RAD54B: variants seen among roughly 807,000 people sequenced by gnomAD.
RAD54B encodes DNA repair and recombination protein RAD54B.
In RAD54B, 78 loss-of-function variants were observed where a neutral mutation model predicts 95.8. That is an observed-to-expected ratio of 0.81 (90% CI 0.68 to 0.98). The LOEUF is 0.98. RAD54B is among the 50% of genes least tolerant of loss of function. The pLI, the probability that RAD54B is intolerant of heterozygous loss-of-function variation, is 0.00. For synonymous variants in RAD54B, 328 were observed against 354.9 expected (o/e 0.92, Z 0.85); for missense variants, 957 against 1,056.6 (o/e 0.91, Z 1.31).
chr8:94,406,551 AT>A (rs757323204), intron 5 of RAD54B, among the ~76,000 whole-genome samples: 44 of 152,160 alleles, frequency 2.9e-4, no homozygotes, highest in Non-Finnish European at 5.6e-4. Context: ...GCCGTTGATT[AT>A]TTGTATTTAG....
At chr8:94,436,856 C>A (rs1276511452) in intron 3 of RAD54B, 8 of 1,528,344 alleles carry the variant, frequency 5.2e-6, no homozygotes, top group African/African-American at 1.4e-5. Flanking sequence ...GAAGATCTAG[C>A]CTTTCCTACC....
At chr8:94,422,108 C>A (rs1045653188) in intron 3 of RAD54B, among the ~76,000 whole-genome samples, 1 of 152,094 alleles carries the variant, frequency 6.6e-6, no homozygotes, top group Non-Finnish European at 1.5e-5. Context: ...ATTACCTCAA[C>A]ATTATCTCAA....
intron 11 of RAD54B, among the ~76,000 whole-genome samples, chr8:94,381,573 A>C (rs1053011875): frequency 6.6e-6 from 1 of 152,266 alleles, no homozygotes; most frequent in Non-Finnish European, 1.5e-5. Context: ...AGAGCTATCT[A>C]TCCTTCAATG....
intron 3 of RAD54B, among the ~76,000 whole-genome samples, chr8:94,424,640 T>G (rs927611660): frequency 2.6e-5 from 4 of 152,094 alleles, no homozygotes; most frequent in Non-Finnish European, 5.9e-5. Context: ...CCCCTAACAA[T>G]CCCAGTCTAT....
Position 94,372,129 on chromosome 8 carries a change from T to G in RAD54B, c.*41A>C, listed in dbSNP as rs376082365. 29 of 1,543,392 alleles carry G rather than the reference T, an allele frequency of 1.9e-5. No homozygotes were observed. The Middle Eastern group carries it at 8.9e-4, about 47-fold the overall frequency. On this transcript the variant is annotated 3_prime_UTR_variant, in exon 15 of 15. Coordinates refer to ENST00000336148, the MANE Select transcript of RAD54B (RefSeq NM_012415.3). ...AAGTACATTTAATTACCATACTAAT[T>G]TTCAAAAGAAGAGCAATGGAATGTC...
At chr8:94,421,381 T>C (rs979798853) in intron 3 of RAD54B, among the ~76,000 whole-genome samples, 6 of 152,204 alleles carry the variant, frequency 3.9e-5, no homozygotes, top group African/African-American at 1.4e-4. Context: ...CTTTTATCTA[T>C]TGGAGTTCTT....
chr8:94,447,407 ACT>A (rs1403075523), intron 3 of RAD54B, among the ~76,000 whole-genome samples: 7 of 151,966 alleles, frequency 4.6e-5, no homozygotes, highest in Admixed American at 3.9e-4. Flanking sequence ...TTGCTAAGCT[ACT>A]CTTATTTATT....
intron 3 of RAD54B, chr8:94,429,843 C>A: frequency 1.0e-5 from 10 of 985,244 alleles, no homozygotes; most frequent in South Asian, 4.7e-5. Context: ...TAAAATAGTA[C>A]CTTGAGTTCA....
intron 3 of RAD54B, chr8:94,430,610 G>A (rs1039794440): frequency 1.7e-6 from 1 of 603,900 alleles, no homozygotes; most frequent in African/African-American, 2.0e-5. Context: ...CTGCTGGTCA[G>A]GACCCATACT....
At chr8:94,447,875 T>C (rs1246461933) in intron 3 of RAD54B, among the ~76,000 whole-genome samples, 1 of 152,126 alleles carries the variant, frequency 6.6e-6, no homozygotes, top group African/African-American at 2.4e-5. Context: ...GAAACTGGGC[T>C]CATGACAATA....
At chr8:94,447,786 G>A (rs1812557503) in intron 3 of RAD54B, among the ~76,000 whole-genome samples, 1 of 152,156 alleles carries the variant, frequency 6.6e-6, no homozygotes, top group Non-Finnish European at 1.5e-5. Context: ...AGTAGTTGCT[G>A]GGATCCATCA....
At chr8:94,377,119 G>A (rs1244952893) in intron 14 of RAD54B, among the ~76,000 whole-genome samples, 1 of 152,104 alleles carries the variant, frequency 6.6e-6, no homozygotes, top group African/African-American at 2.4e-5. Context: ...GAGAAGTATG[G>A]TGACCTATGC....
At chr8:94,458,147 A>G in intron 3 of RAD54B, 121 bp downstream of exon 3, 1 of 876,374 alleles carries the variant, frequency 1.1e-6, no homozygotes, top group Non-Finnish European at 1.7e-6. Flanking sequence ...AACTACCAAC[A>G]ATGTAGTGGT....
chr8:94,470,357 G>A (rs10087254), intron 1 of RAD54B, among the ~76,000 whole-genome samples: 1 of 151,864 alleles, frequency 6.6e-6, no homozygotes, highest in Admixed American at 6.6e-5. Flanking sequence ...CCAGCACTTT[G>A]GGAGGCCAAG....
intron 3 of RAD54B, among the ~76,000 whole-genome samples, chr8:94,442,494 G>T (rs1218188606): frequency 1.3e-5 from 2 of 150,488 alleles, no homozygotes; most frequent in South Asian, 2.1e-4. Context: ...AGAATGGCGT[G>T]AACCCGGGAG....
chr8:94,469,100 G>GT (rs200717806), intron 1 of RAD54B, among the ~76,000 whole-genome samples: 35,540 of 140,650 alleles, frequency 0.25, 5,154 homozygotes, highest in East Asian at 0.43. Flanking sequence ...CCCATCTCTT[G>GT]TTTTTTTTTT....
rs765158868 is a variant in RAD54B at position 94,407,422 on chromosome 8, T to A, written c.781+17A>T. 1 of 1,561,438 alleles carries A rather than the reference T, an allele frequency of 6.4e-7. No individual in the cohort carries two copies. The highest frequency in any genetic ancestry group is 1.4e-5 in the African/African-American group (1 of 72,890). ...GACAGTAAAAACAGAAAATTCAAAT[T>A]ATTTTTAAAATCTTACTTGGCGTAT... On this transcript the variant is annotated intron_variant, in intron 5 of 14. Coordinates refer to ENST00000336148, the MANE Select transcript of RAD54B (RefSeq NM_012415.3).
At chr8:94,426,087 G>A (rs933587973) in intron 3 of RAD54B, among the ~76,000 whole-genome samples, 2 of 151,872 alleles carry the variant, frequency 1.3e-5, no homozygotes, top group Admixed American at 1.3e-4. Context: ...TGAGTAGCTG[G>A]GATTACAGGT....
rs141886010 is a variant in RAD54B, at chr8:94,399,752, G to A, written c.1171-131C>T. The A allele has an allele frequency of 8.8e-3, 10,990 of 1,248,420 alleles. 67 individuals carry two copies. Among genetic ancestry groups the A allele is most frequent in the Non-Finnish European group, 0.011 (10,123 of 931,090 alleles). 77.3% of individuals were successfully genotyped at this position (1,248,420 alleles called of 1,614,324 possible). A position where few individuals can be genotyped will look rare whatever the true frequency, so the allele number is the denominator to read the frequency against. On this transcript the variant is annotated intron_variant, in intron 7 of 14. Transcript: ENST00000336148. ...AACTCTTTCTGTCTTAGTCAACTGA[G>A]GCTGCTATAAACAAAATACCATAGA...
Sources: gnomAD v4.1 joint callset for allele counts (sites outside exome capture counted in the v4.1 genomes callset) on GRCh38, gnomAD v4.1.1 for gene constraint, MANE v1.5 for transcripts, NCBI Gene and HGNC (gene_info 2026-07-23, HGNC 2026-07-21) for gene names.